MRPS9: variants seen among roughly 807,000 people sequenced by gnomAD.
The protein encoded by MRPS9 is small ribosomal subunit protein uS9m.
A neutral mutation model predicts 59.9 loss-of-function variants in MRPS9; 45 were observed. The ratio of observed to expected loss-of-function variants is 0.75; its 90% CI spans 0.59 to 0.96. The LOEUF (loss-of-function observed/expected upper bound fraction) is 0.96. MRPS9 is among the 40% of genes least tolerant of loss of function. The probability of loss-of-function intolerance (pLI) is 0.00; values close to 1 mark genes in which losing one functional copy is unlikely to be tolerated. For synonymous variants in MRPS9, 171 were observed against 166.8 expected, an observed-to-expected ratio of 1.03 and a Z score of -0.19; for missense variants, 473 against 481.1, an observed-to-expected ratio of 0.98 and a Z score of 0.16.
intron 5 of MRPS9, among the ~76,000 whole-genome samples, chr2:105,086,625 C>T (rs1680451132): frequency 6.6e-6 from 1 of 152,186 alleles, no homozygotes; most frequent in Non-Finnish European, 1.5e-5. Context: ...CAATTTACTA[C>T]TATTGCTGGC....
At chr2:105,053,699 T>C (rs1679750994) in intron 2 of MRPS9, among the ~76,000 whole-genome samples, 2 of 152,148 alleles carry the variant, frequency 1.3e-5, no homozygotes, top group South Asian at 2.1e-4. Context: ...TCTCAAAATA[T>C]AGAATTATTT....
chr2:105,094,705 A>C (rs1680624122), intron 9 of MRPS9, among the ~76,000 whole-genome samples: 1 of 152,226 alleles, frequency 6.6e-6, no homozygotes, highest in South Asian at 2.1e-4. Context: ...CTCACAGGAC[A>C]GGGGATGGAA....
chr2:105,069,301 G>A lies in MRPS9; in HGVS notation c.316-2012G>A, dbSNP rs191401501. ...GCGATCTCAGCTCACTGCAACCTCC[G>A]CCTTCCAGGTTCAAACGATTCTCCT... is the stretch of plus-strand genomic sequence containing the variant. On this transcript the variant is annotated intron_variant, in intron 2 of 10. Transcript: ENST00000258455. Among the ~76,000 whole-genome samples, 481 of 146,726 alleles carry A rather than the reference G, an allele frequency of 3.3e-3. 4 individuals are homozygous for A. The highest frequency in any genetic ancestry group is 0.011 in the African/African-American group (450 of 39,694).
In MRPS9 at chr2:105,050,797, G is replaced by C. The variant is rs375804650; in HGVS notation, c.315+1447G>C. ...AATCACCTAGAACATAGACTCTCTAGACTCTAAGTTTGCCTACCCCGGACT... is the reference window on the plus strand; with the variant it reads ...AATCACCTAGAACATAGACTCTCTACACTCTAAGTTTGCCTACCCCGGACT... On this transcript the variant is annotated intron_variant, in intron 2 of 10. Coordinates refer to ENST00000258455, the MANE Select transcript of MRPS9 (RefSeq NM_182640.3). 8.5e-4 allele frequency among the ~76,000 whole-genome samples: 129 copies of C among 152,266 alleles called. 1 individual carries two copies. The highest frequency in any genetic ancestry group is 3.0e-3 in the African/African-American group (124 of 41,562).
intron 1 of MRPS9, among the ~76,000 whole-genome samples, chr2:105,044,072 A>T (rs1679550052): frequency 6.6e-6 from 1 of 151,616 alleles, no homozygotes; most frequent in Non-Finnish European, 1.5e-5. Context: ...AGTAGCTGGG[A>T]TTATAGGTGC....
chr2:105,046,939 T>G (rs557235401), intron 1 of MRPS9, among the ~76,000 whole-genome samples: 14 of 152,124 alleles, frequency 9.2e-5, no homozygotes, highest in African/African-American at 3.4e-4. Flanking sequence ...TCACTTTGAA[T>G]ATGTGAAGCA....
At position 105,094,497 on chromosome 2, in the gene MRPS9, G is replaced by A. The variant is rs368078777; in HGVS notation, c.929+859G>A. Among the ~76,000 whole-genome samples the A allele has an allele frequency of 1.1e-4, 16 of 152,140 alleles. No homozygotes were observed. The South Asian group carries it at 2.9e-3, about 28-fold the overall frequency. ...TTCTCCTGTTTCCTGCATGTGTTAC[G>A]GTATTTAAGGTCAAAAGGGCTAAAA... On this transcript the variant is annotated intron_variant, in intron 9 of 10. Transcript: ENST00000258455.
At chr2:105,049,477 T>C in intron 2 of MRPS9, 127 bp downstream of exon 2, 2 of 771,860 alleles carry the variant, frequency 2.6e-6, no homozygotes, top group South Asian at 1.9e-5. Flanking sequence ...AATGCTGCTA[T>C]ACATTGTTTA....
At chr2:105,095,822 T>G (rs1680649836) in intron 9 of MRPS9, among the ~76,000 whole-genome samples, 2 of 151,916 alleles carry the variant, frequency 1.3e-5, no homozygotes, top group South Asian at 4.2e-4. Context: ...ATTTACTTTT[T>G]TTTTTTAAGA....
chr2:105,089,825 C>T, intron 6 of MRPS9, 95 bp from the exon 7 acceptor site: 2 of 790,746 alleles, frequency 2.5e-6, no homozygotes, highest in Non-Finnish European at 4.0e-6. Context: ...AACTGATTTT[C>T]AAATCATAAA....
At chr2:105,092,664 TTTTA>T (rs1325610613) in intron 8 of MRPS9, 95 bp downstream of exon 8, 1 of 1,137,304 alleles carries the variant, frequency 8.8e-7, no homozygotes, top group Non-Finnish European at 1.2e-6. Flanking sequence ...CCATTAGATT[TTTTA>T]TTTGTTTATT....
At chr2:105,090,829 TATATAGATTTTAAGTC>T (rs2104468090) in intron 7 of MRPS9, among the ~76,000 whole-genome samples, 1 of 152,360 alleles carries the variant, frequency 6.6e-6, no homozygotes, top group South Asian at 2.1e-4. Flanking sequence ...TTTGCCACCA[TATATAGATTTTAAGTC>T]ATGTACTTGA....
intron 5 of MRPS9, among the ~76,000 whole-genome samples, chr2:105,082,196 A>G (rs552324166): frequency 7.9e-5 from 12 of 152,302 alleles, no homozygotes; most frequent in Admixed American, 6.5e-5. Flanking sequence ...GCAAGCTTTA[A>G]AGAGTTGGAA....
chr2:105,097,435 A>T, intron 10 of MRPS9, 111 bp downstream of exon 10: 2 of 984,716 alleles, frequency 2.0e-6, no homozygotes, highest in Non-Finnish European at 2.8e-6. Flanking sequence ...TACATATGTA[A>T]TATTTCACTT....
At chr2:105,090,724 T>G (rs550424525) in intron 7 of MRPS9, among the ~76,000 whole-genome samples, 1 of 152,358 alleles carries the variant, frequency 6.6e-6, no homozygotes, top group Non-Finnish European at 1.5e-5. Context: ...TGTTCCAAAT[T>G]TATTACTTTC....
At chr2:105,097,935 A>G (rs995554511) in intron 10 of MRPS9, among the ~76,000 whole-genome samples, 2 of 152,190 alleles carry the variant, frequency 1.3e-5, no homozygotes, top group Admixed American at 6.5e-5. Flanking sequence ...CCTGGCCTCA[A>G]ACAATCCTGC....
chr2:105,071,627 G>T, intron 4 of MRPS9, 138 bp downstream of exon 4: 1 of 740,510 alleles, frequency 1.4e-6, no homozygotes, highest in Non-Finnish European at 2.3e-6. Flanking sequence ...AAAAAATTTT[G>T]TAACAATGAA....
At chr2:105,068,639 T>A (rs1680046684) in intron 2 of MRPS9, among the ~76,000 whole-genome samples, 1 of 152,206 alleles carries the variant, frequency 6.6e-6, no homozygotes, top group Non-Finnish European at 1.5e-5. Context: ...TTTTTATTGG[T>A]TTCTACTTAA....
chr2:105,070,291 A>C (rs80024974), intron 2 of MRPS9, among the ~76,000 whole-genome samples: 2,688 of 152,212 alleles, frequency 0.018, 80 homozygotes, highest in African/African-American at 0.062. Context: ...TTTTGTTTTA[A>C]GTGTAATTTT....
Sources: allele counts gnomAD v4.1 joint callset (sites outside exome capture counted in the v4.1 genomes callset), GRCh38; gene constraint gnomAD v4.1.1; transcripts MANE v1.5; gene names NCBI Gene and HGNC (gene_info 2026-07-23, HGNC 2026-07-21).